The following GPR158 variants were observed in gnomAD, a reference collection of about 807,000 sequenced individuals.
GPR158 encodes G protein-coupled receptor 158, also known as metabotropic glycine receptor.
In GPR158, 30 loss-of-function variants were observed where a neutral mutation model predicts 78.2. That is an observed-to-expected ratio of 0.38 (90% CI 0.29 to 0.52). The LOEUF is 0.52. Among genes scored for constraint, GPR158 ranks in the 20% least tolerant of loss-of-function variants. The pLI is 0.83. For missense variants in GPR158, 1,463 were observed against 1,523.5 expected, an observed-to-expected ratio of 0.96 and a Z score of 0.66; for synonymous variants, 581 against 591.1, an observed-to-expected ratio of 0.98 and a Z score of 0.25.
intron 5 of GPR158, among the ~76,000 whole-genome samples, chr10:25,490,277 C>CT (rs1030149449): frequency 6.7e-6 from 1 of 150,072 alleles, no homozygotes. Context: ...GATACATACA[C>CT]TTTTTTTTTG....
intron 1 of GPR158, among the ~76,000 whole-genome samples, chr10:25,189,864 GTGTGTGTGTA>G (rs1263112851): frequency 1.3e-5 from 2 of 150,490 alleles, no homozygotes; most frequent in Non-Finnish European, 3.0e-5. Context: ...GTGTGTGTGT[GTGTGTGTGTA>G]TGTGTATGTA....
chr10:25,349,601 C>T (rs564051216), intron 2 of GPR158, among the ~76,000 whole-genome samples: 1 of 146,610 alleles, frequency 6.8e-6, no homozygotes, highest in South Asian at 2.1e-4. Context: ...CATGGCAAGA[C>T]ATGTTTGCTT....
At chr10:25,394,274 A>G (rs1158375360) in intron 2 of GPR158, among the ~76,000 whole-genome samples, 1 of 152,236 alleles carries the variant, frequency 6.6e-6, no homozygotes, top group African/African-American at 2.4e-5. Context: ...AATTAAAGAC[A>G]GTAAGGCTCA....
chr10:25,294,032 C>T (rs997054078), intron 2 of GPR158, among the ~76,000 whole-genome samples: 1 of 152,210 alleles, frequency 6.6e-6, no homozygotes, highest in Non-Finnish European at 1.5e-5. Flanking sequence ...GCCTGAGCCA[C>T]TGCGCCCAAC....
At chr10:25,373,177 C>T (rs10828788) in intron 2 of GPR158, among the ~76,000 whole-genome samples, 121,839 of 151,780 alleles carry the variant, frequency 0.8, 49,892 homozygotes, top group Non-Finnish European at 0.86. Flanking sequence ...GCCATTATCC[C>T]TAGCAAAATA....
chr10:25,447,504 C>G (rs551479941), intron 4 of GPR158, among the ~76,000 whole-genome samples: 3 of 152,260 alleles, frequency 2.0e-5, no homozygotes, highest in African/African-American at 7.2e-5. Flanking sequence ...TTTCTCGTTC[C>G]TTTCCTTGCA....
At chr10:25,423,364 G>A (rs116359675) in intron 4 of GPR158, among the ~76,000 whole-genome samples, 2,598 of 148,526 alleles carry the variant, frequency 0.017, 65 homozygotes, top group African/African-American at 0.052. Context: ...GGGATTGCTG[G>A]ATCAAATGGT....
At chr10:25,455,029 C>A (rs998504845) in intron 4 of GPR158, among the ~76,000 whole-genome samples, 1 of 152,154 alleles carries the variant, frequency 6.6e-6, no homozygotes, top group Non-Finnish European at 1.5e-5. Context: ...ATAAAACCCA[C>A]TTCTTTATTT....
At chr10:25,563,685 C>A (rs778784986) in intron 6 of GPR158, among the ~76,000 whole-genome samples, 1 of 137,684 alleles carries the variant, frequency 7.3e-6, no homozygotes, top group Non-Finnish European at 1.7e-5. Context: ...TTGTTTCAGA[C>A]GTATACAAAA....
At chr10:25,538,712 T>A (rs1174444484) in intron 5 of GPR158, among the ~76,000 whole-genome samples, 1 of 152,220 alleles carries the variant, frequency 6.6e-6, no homozygotes, top group Non-Finnish European at 1.5e-5. Context: ...TCACACTGTA[T>A]ATTTTATATA....
At chr10:25,564,203 G>A (rs1040323475) in intron 6 of GPR158, among the ~76,000 whole-genome samples, 2 of 152,144 alleles carry the variant, frequency 1.3e-5, no homozygotes, top group Non-Finnish European at 2.9e-5. Flanking sequence ...CTGCATGTTT[G>A]TGTGTTGGGT....
chr10:25,557,586 C>A (rs1836802163), intron 6 of GPR158, among the ~76,000 whole-genome samples: 1 of 152,022 alleles, frequency 6.6e-6, no homozygotes, highest in Non-Finnish European at 1.5e-5. Flanking sequence ...ATGCAGAGGC[C>A]CCCAGCTAAA....
chr10:25,203,567 T>TG (rs1228316550), intron 1 of GPR158, among the ~76,000 whole-genome samples: 1 of 149,434 alleles, frequency 6.7e-6, no homozygotes, highest in Non-Finnish European at 1.5e-5. Flanking sequence ...TGGTTGTAGA[T>TG]GTGTGGTATT....
At chr10:25,264,153 T>G (rs1215245518) in intron 2 of GPR158, among the ~76,000 whole-genome samples, 1 of 152,184 alleles carries the variant, frequency 6.6e-6, no homozygotes, top group Non-Finnish European at 1.5e-5. Context: ...CACCTTCTGC[T>G]TTTTATGCCA....
At chr10:25,206,173 G>C (rs566507574) in intron 1 of GPR158, among the ~76,000 whole-genome samples, 88 of 152,024 alleles carry the variant, frequency 5.8e-4, no homozygotes, top group African/African-American at 2.1e-3. Context: ...TTTTTTAGTA[G>C]AAACGGGGTT....
chr10:25,518,295 C>T (rs1422955430), intron 5 of GPR158, among the ~76,000 whole-genome samples: 5 of 84,532 alleles, frequency 5.9e-5, no homozygotes, highest in Non-Finnish European at 1.1e-4. Context: ...AGCGGCCTAT[C>T]AATTTTGTTG....
chr10:25,371,197 T>G (rs1481822126), intron 2 of GPR158, among the ~76,000 whole-genome samples: 2 of 150,650 alleles, frequency 1.3e-5, no homozygotes, highest in Non-Finnish European at 1.5e-5. Context: ...ATGTGTGAAT[T>G]TGATCCTGTC....
In GPR158 at chr10:25,176,146, G is replaced by T. The variant is rs765488452; in HGVS notation, c.726G>T (p.Gly242=). Residue 242 remains glycine (G), a synonymous_variant, in exon 1 of 11, where the codon GGG becomes GGT. Transcript: ENST00000376351. This position sits in a 1 kb window ranked among gnomAD's most constrained non-coding sequence, Gnocchi z 6.3. ...PHLHRRGPNQ[G]PRGLGHSWRR... ...TACACCGCCGCGGCCCCAATCAGGG[G>T]CCCCGGGGCCTGGGCCACAGCTGGC... 83 of 1,571,422 alleles carry T rather than the reference G, an allele frequency of 5.3e-5. No individual in the cohort carries two copies. Among genetic ancestry groups the T allele is most frequent in the Non-Finnish European group, 6.7e-5 (78 of 1,159,998 alleles).
chr10:25,233,382 C>CT (rs60163080), intron 2 of GPR158, among the ~76,000 whole-genome samples: 14,293 of 151,350 alleles, frequency 0.094, 824 homozygotes, highest in East Asian at 0.26. Context: ...AAAGCAGTTT[C>CT]TTTTTTTTTC....
Sources: allele counts gnomAD v4.1 joint callset (sites outside exome capture counted in the v4.1 genomes callset), GRCh38; gene constraint gnomAD v4.1.1; non-coding constraint Gnocchi (gnomAD v3.1); transcripts MANE v1.5; gene names NCBI Gene and HGNC (gene_info 2026-07-23, HGNC 2026-07-21).